FRMD4B: variants seen among roughly 807,000 people sequenced by gnomAD.
FRMD4B encodes the protein FERM domain containing 4B.
In FRMD4B, 74 loss-of-function variants were observed where a neutral mutation model predicts 141.5. The ratio of observed to expected loss-of-function variants is 0.52; its 90% confidence interval spans 0.43 to 0.63. FRMD4B has a LOEUF of 0.63. FRMD4B is among the 30% of genes least tolerant of loss of function. The probability of loss-of-function intolerance (pLI) is 0.00; values close to 1 mark genes in which losing one functional copy is unlikely to be tolerated. For synonymous variants in FRMD4B, 506 were observed against 467.9 expected (o/e 1.08, Z -1.05); for missense variants, 1,366 against 1,253.4 (o/e 1.09, Z -1.36).
At chr3:69,396,941 T>C (rs1031106985) in intron 2 of FRMD4B, among the ~76,000 whole-genome samples, 5 of 152,210 alleles carry the variant, frequency 3.3e-5, no homozygotes, top group African/African-American at 1.2e-4. Context: ...GTTTATCAGC[T>C]GATAAACAGA....
intron 19 of FRMD4B, among the ~76,000 whole-genome samples, chr3:69,186,802 G>A (rs1276874642): frequency 6.6e-6 from 1 of 152,148 alleles, no homozygotes; most frequent in African/African-American, 2.4e-5. Context: ...GCCTCCCAAA[G>A]TGCTGGGATT....
chr3:69,267,377 G>T (rs562784921), intron 5 of FRMD4B, among the ~76,000 whole-genome samples: 1 of 152,098 alleles, frequency 6.6e-6, no homozygotes, highest in African/African-American at 2.4e-5. Context: ...GACCAGAAAA[G>T]GGTGGGAAAG....
chr3:69,505,251 GCCTGTAGTCCCAACTA>G (rs1706577522), intron 1 of FRMD4B, among the ~76,000 whole-genome samples: 1 of 152,128 alleles, frequency 6.6e-6, no homozygotes, highest in African/African-American at 2.4e-5. Flanking sequence ...GGTAGCACAT[GCCTGTAGTCCCAACTA>G]CCCAGGAGGT....
At chr3:69,493,376 T>C (rs1417042960) in intron 1 of FRMD4B, among the ~76,000 whole-genome samples, 1 of 151,566 alleles carries the variant, frequency 6.6e-6, no homozygotes, top group East Asian at 1.9e-4. Flanking sequence ...CAATAGGGAG[T>C]GGTGGGGCTT....
intron 1 of FRMD4B, among the ~76,000 whole-genome samples, chr3:69,379,289 T>A (rs932614676): frequency 6.6e-5 from 10 of 152,184 alleles, no homozygotes; most frequent in African/African-American, 2.4e-4. Context: ...TATATATATA[T>A]ATTTTTTGAG....
chr3:69,302,102 A>C (rs1701235978), intron 4 of FRMD4B, among the ~76,000 whole-genome samples: 3 of 152,162 alleles, frequency 2.0e-5, no homozygotes, highest in Admixed American at 2.0e-4. Context: ...TTGAGGAATA[A>C]AGGAAGGCAA....
At chr3:69,497,036 T>G (rs1182952683) in intron 1 of FRMD4B, among the ~76,000 whole-genome samples, 1 of 152,098 alleles carries the variant, frequency 6.6e-6, no homozygotes, top group African/African-American at 2.4e-5. Context: ...TCTGACCATG[T>G]GACTTGTTTT....
chr3:69,490,936 CAAG>C (rs1706292614), intron 1 of FRMD4B, among the ~76,000 whole-genome samples: 1 of 152,114 alleles, frequency 6.6e-6, no homozygotes, highest in Non-Finnish European at 1.5e-5. Flanking sequence ...CCACCTCCTC[CAAG>C]AAGGAGCCAG....
intron 4 of FRMD4B, among the ~76,000 whole-genome samples, chr3:69,294,568 C>T (rs1700979450): frequency 6.6e-6 from 1 of 152,218 alleles, no homozygotes; most frequent in Non-Finnish European, 1.5e-5. Context: ...CCAGACATGG[C>T]TAGAACCAGA....
intron 1 of FRMD4B, among the ~76,000 whole-genome samples, chr3:69,380,368 T>A (rs1173215187): frequency 6.6e-6 from 1 of 152,116 alleles, no homozygotes; most frequent in African/African-American, 2.4e-5. Flanking sequence ...GGAACTAGTC[T>A]CACCTATAAA....
chr3:69,191,507 A>C (rs902612189), intron 17 of FRMD4B, among the ~76,000 whole-genome samples: 1 of 152,148 alleles, frequency 6.6e-6, no homozygotes, highest in Non-Finnish European at 1.5e-5. Context: ...TTTGCAAATC[A>C]TTCCATATTC....
intron 1 of FRMD4B, among the ~76,000 whole-genome samples, chr3:69,352,717 TATTA>T (rs1187746215): frequency 2.0e-5 from 3 of 152,222 alleles, no homozygotes; most frequent in Non-Finnish European, 4.4e-5. Flanking sequence ...ATAAAAGTTT[TATTA>T]ATTAATTGGA....
At chr3:69,236,194 A>C (rs1163103335) in intron 7 of FRMD4B, among the ~76,000 whole-genome samples, 3 of 152,064 alleles carry the variant, frequency 2.0e-5, no homozygotes, top group African/African-American at 7.2e-5. Context: ...GAGGACACCA[A>C]ATTTAGGGTT....
At chr3:69,503,023 A>G (rs1446565942) in intron 1 of FRMD4B, among the ~76,000 whole-genome samples, 1 of 152,224 alleles carries the variant, frequency 6.6e-6, no homozygotes, top group Non-Finnish European at 1.5e-5. Flanking sequence ...ATCATTAAAA[A>G]GTCAGGAAAC....
At chr3:69,434,722 C>G (rs1350839114) in intron 1 of FRMD4B, among the ~76,000 whole-genome samples, 1 of 152,140 alleles carries the variant, frequency 6.6e-6, no homozygotes, top group African/African-American at 2.4e-5. Flanking sequence ...GTACAAGATA[C>G]TTGTGATATT....
chr3:69,506,543 T>A (rs1706599856), intron 1 of FRMD4B, among the ~76,000 whole-genome samples: 1 of 152,166 alleles, frequency 6.6e-6, no homozygotes, highest in Non-Finnish European at 1.5e-5. Flanking sequence ...ATTCTTTTTT[T>A]TTTTCTTTTT....
At chr3:69,251,650 C>G (rs903934289) in intron 5 of FRMD4B, among the ~76,000 whole-genome samples, 22 of 152,202 alleles carry the variant, frequency 1.4e-4, no homozygotes, top group Non-Finnish European at 1.9e-4. Flanking sequence ...TTTATTGCCT[C>G]AAAAGCTGAC....
chr3:69,176,694 A>C, intron 21 of FRMD4B, 38 bp from the exon 22 acceptor site: 1 of 1,461,776 alleles, frequency 6.8e-7, no homozygotes, highest in Non-Finnish European at 9.5e-7. Context: ...ATTAATGGAA[A>C]TATTAAAAGT....
At chr3:69,432,144 T>C (rs1465033304) in intron 2 of FRMD4B, among the ~76,000 whole-genome samples, 1 of 152,216 alleles carries the variant, frequency 6.6e-6, no homozygotes, top group Admixed American at 6.5e-5. Flanking sequence ...AAGCTCTCCC[T>C]TACTCCAATT....
Sources: allele counts gnomAD v4.1 joint callset (sites outside exome capture counted in the v4.1 genomes callset), GRCh38; gene constraint gnomAD v4.1.1; transcripts MANE v1.5; gene names NCBI Gene and HGNC (gene_info 2026-07-23, HGNC 2026-07-21).